FKBP1B: variants seen among roughly 807,000 people sequenced by gnomAD.
FKBP1B encodes FKBP prolyl isomerase 1B.
FKBP1B carries 4 observed loss-of-function variants against 13.5 expected under a neutral mutation model. The observed-to-expected ratio is 0.30, with a 90% CI of 0.15 to 0.68. The LOEUF (loss-of-function observed/expected upper bound fraction) is 0.68, where lower values mean the gene tolerates loss of function less well. FKBP1B is among the 30% of genes least tolerant of loss of function. The probability of loss-of-function intolerance (pLI) is 0.76; values close to 1 mark genes in which losing one functional copy is unlikely to be tolerated. For synonymous variants in FKBP1B, 54 were observed against 53.6 expected (o/e 1.01, Z -0.03); for missense variants, 93 against 136.2 (o/e 0.68, Z 1.58).
At chr2:24,055,797 A>C (rs1000837482) in intron 2 of FKBP1B, among the ~76,000 whole-genome samples, 2 of 152,140 alleles carry the variant, frequency 1.3e-5, no homozygotes, top group Non-Finnish European at 2.9e-5. Flanking sequence ...CTTAGTGTAC[A>C]TGTGTACAGA....
chr2:24,035,793 G>A, the FKBP1B span, among the ~76,000 whole-genome samples: 7 of 151,794 alleles, frequency 4.6e-5, no homozygotes, highest in African/African-American at 1.2e-4. Context: ...AAATTAGGCC[G>A]GGCGCAGTGG....
chr2:24,058,644 A>T (rs986882320), intron 2 of FKBP1B, among the ~76,000 whole-genome samples: 1 of 152,222 alleles, frequency 6.6e-6, no homozygotes. Flanking sequence ...ATCTGTGTGC[A>T]TATTTGTACA....
At chr2:24,053,311 T>TA (rs1448661796) in intron 1 of FKBP1B, among the ~76,000 whole-genome samples, 3 of 135,780 alleles carry the variant, frequency 2.2e-5, no homozygotes, top group African/African-American at 5.8e-5. Flanking sequence ...TTTTTTTTTT[T>TA]AGAGATGGGG....
At chr2:24,057,297 G>C (rs1189631527) in intron 2 of FKBP1B, among the ~76,000 whole-genome samples, 1 of 152,016 alleles carries the variant, frequency 6.6e-6, no homozygotes, top group Admixed American at 6.6e-5. Flanking sequence ...CTGGGTTCAA[G>C]GACTCCTCCC....
At position 24,063,237 on chromosome 2, in the gene FKBP1B, C is replaced by A; in HGVS notation, c.*45C>A. On this transcript the variant is annotated 3_prime_UTR_variant, in exon 4 of 4. Coordinates refer to ENST00000380986, the MANE Select transcript of FKBP1B (RefSeq NM_004116.5). ...GTGGCTGGAGATGGCTGCTGCTCAC[C>A]CTCCTAGCCTGCTCTGCCACTGGGA... 1.3e-6 allele frequency: 2 copies of A among 1,516,240 alleles called. No homozygotes were observed. The highest frequency in any genetic ancestry group is 2.1e-5 in the Admixed American group (1 of 46,854). The allele number at this position is 1,516,240 out of a possible 1,614,324, so 93.9% of individuals were successfully genotyped here.
At chr2:24,034,957 T>G in the FKBP1B span, among the ~76,000 whole-genome samples, 1 of 151,860 alleles carries the variant, frequency 6.6e-6, no homozygotes, top group South Asian at 2.1e-4. Context: ...GATATATTAT[T>G]GTTTGCAAGT....
At chr2:24,039,184 T>C in the FKBP1B span, 6 of 1,614,232 alleles carry the variant, frequency 3.7e-6, no homozygotes, top group Non-Finnish European at 5.1e-6. Flanking sequence ...CTCACAAGTC[T>C]GAGACGTCAG....
chr2:24,033,360 G>T, the FKBP1B span: 1 of 237,988 alleles, frequency 4.2e-6, no homozygotes. Context: ...AGTAGCAGAG[G>T]ATTTGCATAA....
the FKBP1B span, among the ~76,000 whole-genome samples, chr2:24,035,881 C>CA: frequency 6.6e-6 from 1 of 151,444 alleles, no homozygotes; most frequent in Non-Finnish European, 1.5e-5. Context: ...TCATCCTGGC[C>CA]AACACGGTGA....
chr2:24,039,642 G>T, the FKBP1B span: 1 of 734,504 alleles, frequency 1.4e-6, no homozygotes, highest in Non-Finnish European at 2.2e-6. Context: ...GACAGGGGGA[G>T]TATTATAAAT....
chr2:24,053,636 G>A (rs1288761499), intron 1 of FKBP1B, among the ~76,000 whole-genome samples: 1 of 151,264 alleles, frequency 6.6e-6, no homozygotes, highest in Non-Finnish European at 1.5e-5. Flanking sequence ...AGTAAAAGGG[G>A]CAATCAAAGA....
Position 24,063,464 on chromosome 2 carries a change from A to C in FKBP1B, c.*272A>C. 2.2e-5 allele frequency: 8 copies of C among 357,208 alleles called. No individual in the cohort carries two copies. Among genetic ancestry groups the C allele is most frequent in the Non-Finnish European group, 2.5e-5 (5 of 199,378 alleles). The allele number at this position is 357,208 out of a possible 1,614,324, so 22.1% of individuals were successfully genotyped here. A position where few individuals can be genotyped will look rare whatever the true frequency, so the allele number is the denominator to read the frequency against. On this transcript the variant is annotated 3_prime_UTR_variant, in exon 4 of 4. Coordinates refer to ENST00000380986, the MANE Select transcript of FKBP1B (RefSeq NM_004116.5). ...TGTAGTAGCCTTTCCTGATGACAGA[A>C]CACAGATCTCTTGTTCGCACAATCT...
the FKBP1B span, among the ~76,000 whole-genome samples, chr2:24,041,090 G>A: frequency 6.6e-6 from 1 of 152,112 alleles, no homozygotes. Context: ...TGTAATCCCA[G>A]CACTTTGGGA....
At chr2:24,048,464 C>A (rs1181928387), upstream of FKBP1B, among the ~76,000 whole-genome samples, 18 of 112,384 alleles carry the variant, frequency 1.6e-4, no homozygotes, top group Admixed American at 2.9e-4. Context: ...AGTGAAGATT[C>A]TGTCTCAAAA....
chr2:24,053,811 C>A, intron 1 of FKBP1B, 91 bp from the exon 2 acceptor site: 1 of 1,241,262 alleles, frequency 8.1e-7, no homozygotes, highest in Non-Finnish European at 1.2e-6. Context: ...GAGGGGAATG[C>A]AGGCTGGAGC....
At chr2:24,035,718 A>G in the FKBP1B span, among the ~76,000 whole-genome samples, 3 of 151,460 alleles carry the variant, frequency 2.0e-5, no homozygotes, top group Non-Finnish European at 4.4e-5. Flanking sequence ...ACTTCCAAAC[A>G]AGCCTGGGCA....
At chr2:24,038,035 TGAC>T in the FKBP1B span, 4 of 1,614,074 alleles carry the variant, frequency 2.5e-6, no homozygotes, top group Non-Finnish European at 3.4e-6. Flanking sequence ...CCTTCCATTC[TGAC>T]TACTGGTATT....
chr2:24,060,171 G>A (rs1664319981), intron 2 of FKBP1B, among the ~76,000 whole-genome samples: 1 of 152,138 alleles, frequency 6.6e-6, no homozygotes, highest in Non-Finnish European at 1.5e-5. Context: ...TGAAATGGAG[G>A]CGAGTAAAAG....
upstream of FKBP1B, among the ~76,000 whole-genome samples, chr2:24,046,693 C>T (rs768445003): frequency 5.3e-5 from 8 of 152,088 alleles, no homozygotes; most frequent in Non-Finnish European, 1.0e-4. Flanking sequence ...ATTTCAAGTT[C>T]TTTACACTTA....
Sources: gnomAD v4.1 joint callset for allele counts (sites outside exome capture counted in the v4.1 genomes callset) on GRCh38, gnomAD v4.1.1 for gene constraint, MANE v1.5 for transcripts, NCBI Gene and HGNC (gene_info 2026-07-23, HGNC 2026-07-21) for gene names.